RALGPS1: variants seen among roughly 807,000 people sequenced by gnomAD.
RALGPS1 encodes the protein Ral GEF with PH domain and SH3 binding motif 1, also known as ras-specific guanine nucleotide-releasing factor RalGPS1.
A neutral mutation model predicts 78.8 loss-of-function variants in RALGPS1; 19 were observed. That is an observed-to-expected ratio of 0.24 (90% confidence interval 0.17 to 0.35). The LOEUF is 0.35. Among genes scored for constraint, RALGPS1 ranks in the 10% least tolerant of loss-of-function variants. The pLI is 1.00. For synonymous variants in RALGPS1, 228 were observed against 256.3 expected, an observed-to-expected ratio of 0.89 and a Z score of 1.06; for missense variants, 454 against 688.3, an observed-to-expected ratio of 0.66 and a Z score of 3.81.
At chr9:127,056,415 A>G (rs967734385) in intron 7 of RALGPS1, among the ~76,000 whole-genome samples, 1 of 152,212 alleles carries the variant, frequency 6.6e-6, no homozygotes, top group Non-Finnish European at 1.5e-5. Flanking sequence ...GAGGTCTCCA[A>G]GGTCACTTGT....
At chr9:127,209,593 A>G (rs2062123691) in intron 14 of RALGPS1, among the ~76,000 whole-genome samples, 1 of 152,130 alleles carries the variant, frequency 6.6e-6, no homozygotes, top group Non-Finnish European at 1.5e-5. Flanking sequence ...ACCATCACCC[A>G]GAGAGGAGGA....
intron 4 of RALGPS1, among the ~76,000 whole-genome samples, chr9:127,003,608 G>A (rs1170891754): frequency 6.6e-6 from 1 of 152,170 alleles, no homozygotes; most frequent in Admixed American, 6.5e-5. Context: ...GATGCAATGT[G>A]TGGGAGTGAA....
chr9:126,997,965 A>G (rs1401430966), intron 4 of RALGPS1, among the ~76,000 whole-genome samples: 3 of 152,222 alleles, frequency 2.0e-5, no homozygotes, highest in Non-Finnish European at 4.4e-5. Flanking sequence ...CTGGCTAGCC[A>G]TATGTAGAAA....
At chr9:127,192,678 A>C (rs2061137948) in intron 11 of RALGPS1, among the ~76,000 whole-genome samples, 1 of 152,168 alleles carries the variant, frequency 6.6e-6, no homozygotes, top group Admixed American at 6.5e-5. Flanking sequence ...AAAAGAAAAG[A>C]GGACTGTAGT....
chr9:127,011,551 A>G (rs1458026355), intron 4 of RALGPS1, among the ~76,000 whole-genome samples: 1 of 152,148 alleles, frequency 6.6e-6, no homozygotes, highest in Non-Finnish European at 1.5e-5. Flanking sequence ...GACAAATTAT[A>G]TGTCTAACTA....
At chr9:127,180,667 G>A (rs1212376075) in intron 11 of RALGPS1, among the ~76,000 whole-genome samples, 1 of 152,240 alleles carries the variant, frequency 6.6e-6, no homozygotes, top group Non-Finnish European at 1.5e-5. Context: ...ACATCGGGGA[G>A]TTGGTAGGGG....
chr9:127,127,704 A>C (rs2056720133), intron 8 of RALGPS1, among the ~76,000 whole-genome samples: 1 of 152,200 alleles, frequency 6.6e-6, no homozygotes, highest in Admixed American at 6.5e-5. Context: ...CTTCATTTTA[A>C]AACCATATGA....
chr9:127,153,375 CTTTTTT>C (rs60308901), intron 8 of RALGPS1, among the ~76,000 whole-genome samples: 23 of 102,116 alleles, frequency 2.3e-4, no homozygotes, highest in African/African-American at 7.9e-4. Flanking sequence ...TAGAGGATTA[CTTTTTT>C]TTTTTTTTTT....
chr9:127,129,344 T>C (rs1042061404), intron 8 of RALGPS1, among the ~76,000 whole-genome samples: 54 of 152,188 alleles, frequency 3.5e-4, no homozygotes, highest in South Asian at 2.1e-4. Flanking sequence ...CAATATAAAT[T>C]TTTTAAAAAT....
At position 126,962,237 on chromosome 9, in the gene RALGPS1, C is replaced by T; in HGVS notation, c.-53C>T. On this transcript the variant is annotated 5_prime_UTR_variant, in exon 2 of 19. Coordinates refer to ENST00000259351, the MANE Select transcript of RALGPS1 (RefSeq NM_014636.3). ...CTTTGCCTTGCAGGACTTCTCCAGA[C>T]AGGTTATGTTACCTGCAGAGGCTGC... 6 of 1,589,720 alleles carry T rather than the reference C, an allele frequency of 3.8e-6. No homozygotes were observed. Among genetic ancestry groups the T allele is most frequent in the Non-Finnish European group, 4.3e-6 (5 of 1,158,694 alleles).
chr9:127,041,063 G>GTGTGTGTGTGTGTGTGTA (rs1004091757), intron 5 of RALGPS1, among the ~76,000 whole-genome samples: 1 of 151,202 alleles, frequency 6.6e-6, no homozygotes, highest in Non-Finnish European at 1.5e-5. Context: ...GTGTGTGTGT[G>GTGTGTGTGTGTGTGTGTA]TGTATGTACT....
intron 3 of RALGPS1, among the ~76,000 whole-genome samples, chr9:126,969,044 G>A (rs772650445): frequency 4.0e-5 from 6 of 151,010 alleles, no homozygotes; most frequent in South Asian, 2.1e-4. Context: ...GCGAAACTCC[G>A]TCTCAAAAAA....
chr9:127,043,985 G>A (rs573662381), intron 5 of RALGPS1, among the ~76,000 whole-genome samples: 3 of 152,312 alleles, frequency 2.0e-5, no homozygotes, highest in East Asian at 3.9e-4. Context: ...ATTGCTGGTG[G>A]GAATGTGAAA....
intron 8 of RALGPS1, among the ~76,000 whole-genome samples, chr9:127,111,353 G>A (rs883816): frequency 0.058 from 8,851 of 152,170 alleles, 827 homozygotes; most frequent in African/African-American, 0.2. Flanking sequence ...TCTCCTCCCC[G>A]TTCCCTTGAA....
At chr9:127,108,639 C>T in intron 8 of RALGPS1, 1 of 1,613,760 alleles carries the variant, frequency 6.2e-7, no homozygotes, top group African/African-American at 1.3e-5. Flanking sequence ...GCGAGCCCTC[C>T]TCAGTGCCCT....
intron 8 of RALGPS1, among the ~76,000 whole-genome samples, chr9:127,119,206 A>G (rs1471639042): frequency 2.6e-5 from 4 of 152,198 alleles, no homozygotes; most frequent in Non-Finnish European, 5.9e-5. Context: ...AGGTACCCTC[A>G]TAACTGTGCT....
intron 11 of RALGPS1, among the ~76,000 whole-genome samples, chr9:127,185,703 T>C (rs2060600631): frequency 6.6e-6 from 1 of 152,226 alleles, no homozygotes; most frequent in Non-Finnish European, 1.5e-5. Flanking sequence ...TTATTATTAT[T>C]ATTCTCATGT....
At chr9:126,966,827 G>A (rs1359463462) in intron 3 of RALGPS1, among the ~76,000 whole-genome samples, 1 of 151,990 alleles carries the variant, frequency 6.6e-6, no homozygotes, top group African/African-American at 2.4e-5. Context: ...GTTGCTCCCG[G>A]TCTAACTAAG....
At chr9:126,982,263 C>T (rs2041314861) in intron 4 of RALGPS1, among the ~76,000 whole-genome samples, 3 of 152,216 alleles carry the variant, frequency 2.0e-5, no homozygotes, top group Admixed American at 2.0e-4. Context: ...TGGAGACTGC[C>T]TACCACAGGC....
Sources: gnomAD v4.1 joint callset for allele counts (sites outside exome capture counted in the v4.1 genomes callset) on GRCh38, gnomAD v4.1.1 for gene constraint, MANE v1.5 for transcripts, NCBI Gene and HGNC (gene_info 2026-07-23, HGNC 2026-07-21) for gene names.